The following L3MBTL4 variants were observed in gnomAD, a reference collection of about 807,000 sequenced individuals.
L3MBTL4 encodes L3MBTL histone methyl-lysine binding protein 4.
L3MBTL4 carries 70 observed loss-of-function variants against 84.5 expected under a neutral mutation model. The observed-to-expected ratio is 0.83, with a 90% confidence interval of 0.68 to 1.01. The LOEUF (loss-of-function observed/expected upper bound fraction) is 1.01, where lower values mean the gene tolerates loss of function less well. Among genes scored for constraint, L3MBTL4 ranks in the 50% least tolerant of loss-of-function variants. L3MBTL4 has a pLI of 0.00. For synonymous variants in L3MBTL4, 274 were observed against 259.8 expected (o/e 1.05, Z -0.52); for missense variants, 715 against 754.8 (o/e 0.95, Z 0.62).
At chr18:6,000,925 C>T (rs2054182737) in intron 16 of L3MBTL4, among the ~76,000 whole-genome samples, 1 of 152,238 alleles carries the variant, frequency 6.6e-6, no homozygotes, top group African/African-American at 2.4e-5. Context: ...CAGAATCTGA[C>T]TGATAGAACT....
At position 6,062,648 on chromosome 18, in the gene L3MBTL4, T is replaced by C. The variant is rs1175437563; in HGVS notation, c.1444+18233A>G. Among the ~76,000 whole-genome samples the C allele has an allele frequency of 4.6e-5, 7 of 152,118 alleles. No individual in the cohort carries two copies. In the East Asian group the frequency reaches 1.3e-3, roughly 29 times the overall value. On this transcript the variant is annotated intron_variant, in intron 16 of 18. Coordinates refer to ENST00000317931, the MANE Select transcript of L3MBTL4 (RefSeq NM_001330559.2). ...GTAATTATCCCACAGTTCTCACAGT[T>C]CACGGATATTCTGTAATGTCTTTTT...
intron 16 of L3MBTL4, among the ~76,000 whole-genome samples, chr18:6,065,458 T>C (rs146270215): frequency 1.3e-5 from 2 of 152,246 alleles, no homozygotes; most frequent in African/African-American, 2.4e-5. Context: ...AGACTTCAGC[T>C]GTAAATCCAT....
intron 11 of L3MBTL4, among the ~76,000 whole-genome samples, chr18:6,213,738 A>G (rs1455880653): frequency 6.6e-6 from 1 of 152,198 alleles, no homozygotes; most frequent in Admixed American, 6.5e-5. Context: ...AGCACATAGG[A>G]CTGTATGCAT....
rs185074552 is a variant in L3MBTL4, at chr18:6,125,839, C to T, written c.1199+12355G>A. 1.6e-3 allele frequency among the ~76,000 whole-genome samples: 246 copies of T among 152,288 alleles called. 1 individual carries two copies. Among genetic ancestry groups the T allele is most frequent in the South Asian group, 5.6e-3 (27 of 4,820 alleles). On this transcript the variant is annotated intron_variant, in intron 14 of 18. Transcript: ENST00000317931. The stretch of plus-strand genomic sequence containing the variant: ...CAACTAATTTTTGAACATTCACATG[C>T]ACACACATGAATTTTGTTTGGCACT...
chr18:6,324,894 AT>A (rs1178184341), intron 1 of L3MBTL4, among the ~76,000 whole-genome samples: 1 of 152,202 alleles, frequency 6.6e-6, no homozygotes, highest in Non-Finnish European at 1.5e-5. Flanking sequence ...TCACACCAAA[AT>A]TTATGAAAAG....
chr18:6,207,822 C>T (rs2045935353), intron 12 of L3MBTL4, among the ~76,000 whole-genome samples: 1 of 152,008 alleles, frequency 6.6e-6, no homozygotes, highest in East Asian at 1.9e-4. Flanking sequence ...AAATGCATCC[C>T]AGGCCAGGTG....
At position 6,080,869 on chromosome 18, in the gene L3MBTL4, T is replaced by C. The variant is rs1308387616; in HGVS notation, c.1444+12A>G. ...AGTATATTCTGTGTTTTGCTAGTGT[T>C]TTTGTTTTTACCTCTGAAGAGATTA... On this transcript the variant is annotated intron_variant, in intron 16 of 18. Transcript: ENST00000317931. 1.3e-6 allele frequency: 2 copies of C among 1,577,122 alleles called. No individual in the cohort carries two copies. Among genetic ancestry groups the C allele is most frequent in the Non-Finnish European group, 1.7e-6 (2 of 1,153,130 alleles).
intron 5 of L3MBTL4, among the ~76,000 whole-genome samples, chr18:6,253,223 A>G (rs1366121563): frequency 6.6e-6 from 1 of 152,030 alleles, no homozygotes; most frequent in Non-Finnish European, 1.5e-5. Context: ...CAAACAAACA[A>G]AAAACCCTAT....
At chr18:6,001,279 T>C (rs1389429833) in intron 16 of L3MBTL4, among the ~76,000 whole-genome samples, 1 of 152,242 alleles carries the variant, frequency 6.6e-6, no homozygotes, top group Admixed American at 6.5e-5. Flanking sequence ...CCGTCCAGTT[T>C]TCCCCTTCTG....
intron 1 of L3MBTL4, among the ~76,000 whole-genome samples, chr18:6,327,500 G>C (rs1204923036): frequency 6.6e-6 from 1 of 152,108 alleles, no homozygotes; most frequent in African/African-American, 2.4e-5. Flanking sequence ...CAAGAGAAAA[G>C]GGTGCAGGAT....
chr18:6,246,922 C>T (rs1204928071), intron 5 of L3MBTL4, among the ~76,000 whole-genome samples: 2 of 151,874 alleles, frequency 1.3e-5, no homozygotes, highest in Non-Finnish European at 1.5e-5. Flanking sequence ...AAAATTATTC[C>T]ACTGGGAAAT....
chr18:6,368,566 T>C (rs1477126115), intron 1 of L3MBTL4, among the ~76,000 whole-genome samples: 1 of 152,140 alleles, frequency 6.6e-6, no homozygotes, highest in Non-Finnish European at 1.5e-5. Flanking sequence ...ATTATTATCT[T>C]CATTTTGCAG....
rs2054357505 is a variant in L3MBTL4, at chr18:6,376,111, T to G, written c.-91+38690A>C. ...GCTCTCCGACCCCACTGTCTCAGTC[T>G]GCTTTCTCCCTGCTCGCCTCACTGG... is the stretch of plus-strand genomic sequence containing the variant. On this transcript the variant is annotated intron_variant, in intron 1 of 18. Transcript: ENST00000317931. Among the ~76,000 whole-genome samples the G allele has an allele frequency of 2.0e-5, 3 of 152,180 alleles. No homozygotes were observed. In the South Asian group the frequency reaches 6.2e-4, roughly 32 times the overall value.
chr18:6,125,021 T>C (rs577182910), intron 14 of L3MBTL4, among the ~76,000 whole-genome samples: 2 of 152,292 alleles, frequency 1.3e-5, no homozygotes, highest in African/African-American at 4.8e-5. Flanking sequence ...AGATTAATAT[T>C]CTCTAATGAC....
rs533723941 is a variant in L3MBTL4 at position 6,132,406 on chromosome 18, C to G, written c.1199+5788G>C. On this transcript the variant is annotated intron_variant, in intron 14 of 18. Coordinates refer to ENST00000317931, the MANE Select transcript of L3MBTL4 (RefSeq NM_001330559.2). ...TGGAGACCTTGCTCTTACTTGAGTT[C>G]GCTCTCTAATAATGAGGTCTGGAAC... 3.3e-5 allele frequency among the ~76,000 whole-genome samples: 5 copies of G among 152,136 alleles called. No homozygotes were observed. The South Asian group carries it at 1.0e-3, about 32-fold the overall frequency.
At chr18:6,122,355 C>A (rs1393908704) in intron 14 of L3MBTL4, among the ~76,000 whole-genome samples, 3 of 152,182 alleles carry the variant, frequency 2.0e-5, no homozygotes, top group Non-Finnish European at 4.4e-5. Context: ...TATGATTTGG[C>A]TGTGTCCCCA....
intron 10 of L3MBTL4, among the ~76,000 whole-genome samples, chr18:6,228,290 A>G (rs929495796): frequency 1.3e-5 from 2 of 152,188 alleles, no homozygotes; most frequent in African/African-American, 4.8e-5. Flanking sequence ...AAAACTCACA[A>G]ATATAAAACT....
At chr18:6,375,414 T>C (rs556933785) in intron 1 of L3MBTL4, among the ~76,000 whole-genome samples, 1 of 152,146 alleles carries the variant, frequency 6.6e-6, no homozygotes, top group East Asian at 1.9e-4. Context: ...CGCTCTCTTC[T>C]CACCTCCTAC....
chr18:6,093,052 T>A (rs2058512099), intron 15 of L3MBTL4, among the ~76,000 whole-genome samples: 1 of 152,190 alleles, frequency 6.6e-6, no homozygotes, highest in South Asian at 2.1e-4. Context: ...AATAAAGACT[T>A]TTTAAGATAA....
Sources: allele counts gnomAD v4.1 joint callset (sites outside exome capture counted in the v4.1 genomes callset), GRCh38; gene constraint gnomAD v4.1.1; transcripts MANE v1.5; gene names NCBI Gene and HGNC (gene_info 2026-07-23, HGNC 2026-07-21).